DOCK10: variants seen among roughly 807,000 people sequenced by gnomAD.
The protein encoded by DOCK10 is dedicator of cytokinesis 10.
DOCK10 carries 145 observed loss-of-function variants against 280.1 expected under a neutral mutation model. That is an observed-to-expected ratio of 0.52 (90% CI 0.45 to 0.59). The LOEUF is 0.59. Among genes scored for constraint, DOCK10 ranks in the 20% least tolerant of loss-of-function variants. The pLI is 0.00. For synonymous variants in DOCK10, 915 were observed against 942.2 expected, an observed-to-expected ratio of 0.97 and a Z score of 0.53; for missense variants, 2,368 against 2,651.7, an observed-to-expected ratio of 0.89 and a Z score of 2.35.
chr2:224,955,510 T>A (rs1162499536), intron 1 of DOCK10, among the ~76,000 whole-genome samples: 1 of 152,218 alleles, frequency 6.6e-6, no homozygotes, highest in African/African-American at 2.4e-5. Flanking sequence ...CTAGGTACAA[T>A]CCCTGTAACC....
chr2:224,904,655 C>G (rs1399366446), intron 3 of DOCK10, among the ~76,000 whole-genome samples: 2 of 152,036 alleles, frequency 1.3e-5, no homozygotes, highest in Non-Finnish European at 2.9e-5. Flanking sequence ...TACATGCAAC[C>G]CACTCTCCCA....
intron 3 of DOCK10, among the ~76,000 whole-genome samples, chr2:224,897,278 G>A (rs1700040194): frequency 6.6e-6 from 1 of 151,808 alleles, no homozygotes; most frequent in African/African-American, 2.4e-5. Flanking sequence ...AATTTTTGTG[G>A]GTACATTGCA....
rs544689383 is a variant in DOCK10 at position 224,932,043 on chromosome 2, C to T, written c.124-375G>A. Among the ~76,000 whole-genome samples the T allele has an allele frequency of 5.7e-3, 873 of 152,252 alleles. 2 individuals are homozygous for T. Among genetic ancestry groups the T allele is most frequent in the Middle Eastern group, 0.024 (7 of 294 alleles). ...GGTATTATGATGATTATCATCATTT[C>T]TTCTGAATTAGATACTTCCTCATGA... On this transcript the variant is annotated intron_variant, in intron 1 of 55. Transcript: ENST00000258390.
intron 27 of DOCK10, among the ~76,000 whole-genome samples, chr2:224,825,113 G>C (rs947227156): frequency 2.0e-5 from 3 of 151,666 alleles, no homozygotes; most frequent in African/African-American, 7.3e-5. Flanking sequence ...TGAGTAGCTG[G>C]GATTACAGGC....
At chr2:224,842,850 G>A (rs1362373286) in intron 22 of DOCK10, among the ~76,000 whole-genome samples, 2 of 152,176 alleles carry the variant, frequency 1.3e-5, no homozygotes, top group Non-Finnish European at 2.9e-5. Context: ...ACACACCTAT[G>A]TAATCACATT....
chr2:224,883,326 T>C (rs1399784653), intron 7 of DOCK10, among the ~76,000 whole-genome samples: 1 of 152,180 alleles, frequency 6.6e-6, no homozygotes, highest in African/African-American at 2.4e-5. Context: ...GTTTCTAGCA[T>C]GTCATAGGCA....
chr2:224,951,596 T>C (rs1703732697), intron 1 of DOCK10, among the ~76,000 whole-genome samples: 1 of 152,248 alleles, frequency 6.6e-6, no homozygotes, highest in Admixed American at 6.5e-5. Context: ...GCAATCTGTA[T>C]TAGTTTTCTA....
intron 47 of DOCK10, among the ~76,000 whole-genome samples, chr2:224,790,089 C>T (rs181300496): frequency 6.6e-6 from 1 of 152,250 alleles, no homozygotes; most frequent in East Asian, 1.9e-4. Context: ...CCAATACTTG[C>T]TATATTTCAC....
chr2:225,026,478 GGAGCTGTCT>G (rs2106113815), intron 1 of DOCK10, among the ~76,000 whole-genome samples: 1 of 152,304 alleles, frequency 6.6e-6, no homozygotes, highest in African/African-American at 2.4e-5. Flanking sequence ...CTAAGGTCAG[GGAGCTGTCT>G]GAAATATTTA....
intron 50 of DOCK10, among the ~76,000 whole-genome samples, chr2:224,784,167 C>A (rs1008640099): frequency 2.0e-5 from 3 of 152,160 alleles, no homozygotes; most frequent in African/African-American, 7.2e-5. Context: ...GATTTATTCC[C>A]TGGTTCATCT....
chr2:224,862,458 C>T (rs1413472122), intron 14 of DOCK10: 11 of 501,180 alleles, frequency 2.2e-5, no homozygotes, highest in Non-Finnish European at 3.6e-6. Context: ...TGTGTCACGG[C>T]CCTCTATTAT....
intron 47 of DOCK10, among the ~76,000 whole-genome samples, chr2:224,792,247 T>C: frequency 6.6e-6 from 1 of 152,206 alleles, no homozygotes. Flanking sequence ...TATAAAGTCC[T>C]ACATATATAG....
intron 51 of DOCK10, among the ~76,000 whole-genome samples, chr2:224,776,429 C>T (rs1425958879): frequency 6.6e-6 from 1 of 152,114 alleles, no homozygotes; most frequent in African/African-American, 2.4e-5. Flanking sequence ...GGCATTTTCT[C>T]ATCCCCCCAC....
At chr2:224,787,999 T>C (rs1321090591) in intron 48 of DOCK10, among the ~76,000 whole-genome samples, 1 of 152,152 alleles carries the variant, frequency 6.6e-6, no homozygotes, top group East Asian at 1.9e-4. Context: ...AAGAACCTTA[T>C]TTCACACCTT....
chr2:224,789,075 G>C lies in DOCK10; in HGVS notation c.5407C>G (p.Pro1803Ala), dbSNP rs755372619. 8.7e-6 allele frequency: 14 copies of C among 1,612,022 alleles called. 1 individual carries two copies. The South Asian group carries it at 1.5e-4, about 18-fold the overall frequency. The change falls in exon 48 of 56, where the codon CCA (proline) becomes GCA (alanine). Residue 1803 changes from proline (P) to alanine (A), a missense_variant. Coordinates refer to ENST00000258390, the MANE Select transcript of DOCK10 (RefSeq NM_014689.3). Reference protein sequence around the residue: ...MKEDSGMQDTPYNENILVEQL... With the variant: ...MKEDSGMQDTAYNENILVEQL... Reference sequence around the variant, plus strand: ...AATTTTGGTCTAACCTCATTGTATGGTGTATCTTGCATTCCAGAATCCTCT... The same window carrying C: ...AATTTTGGTCTAACCTCATTGTATGCTGTATCTTGCATTCCAGAATCCTCT...
At chr2:224,891,600 C>A (rs1699659877) in intron 4 of DOCK10, among the ~76,000 whole-genome samples, 1 of 152,034 alleles carries the variant, frequency 6.6e-6, no homozygotes, top group African/African-American at 2.4e-5. Context: ...ATTAATGATT[C>A]AAAAATAACT....
chr2:224,845,708 A>AAGCAT (rs1696304356), intron 19 of DOCK10, 66 bp from the exon 20 acceptor site: 11 of 1,457,154 alleles, frequency 7.5e-6, no homozygotes, highest in Non-Finnish European at 1.0e-5. Context: ...GAGCAAGACA[A>AAGCAT]AGCATAGCTT....
intron 1 of DOCK10, among the ~76,000 whole-genome samples, chr2:224,961,432 TTC>T (rs1553623660): frequency 1.6e-5 from 2 of 127,162 alleles, no homozygotes; most frequent in South Asian, 5.4e-4. Context: ...CTTTCTTTCT[TTC>T]TTTCTTTCTT....
In DOCK10 at chr2:224,791,892, C is replaced by T. The variant is rs78571942; in HGVS notation, c.5311+1082G>A. ...TAGCAAGTAAAGTCCATTTACATTT[C>T]GTTTAAGTCTTTTGATTTTCAACAT... On this transcript the variant is annotated intron_variant, in intron 47 of 55. Coordinates refer to ENST00000258390, the MANE Select transcript of DOCK10 (RefSeq NM_014689.3). Among the ~76,000 whole-genome samples the T allele has an allele frequency of 2.4e-3, 372 of 152,256 alleles. 1 individual carries two copies. The highest frequency in any genetic ancestry group is 8.1e-3 in the African/African-American group (335 of 41,546).
Sources: allele counts gnomAD v4.1 joint callset (sites outside exome capture counted in the v4.1 genomes callset), GRCh38; gene constraint gnomAD v4.1.1; transcripts MANE v1.5; gene names NCBI Gene and HGNC (gene_info 2026-07-23, HGNC 2026-07-21).